Variants in TNNC2 observed in about 807,000 individuals in gnomAD.
TNNC2 encodes the protein troponin C2, fast skeletal type, also known as troponin C, skeletal muscle.
A neutral mutation model predicts 20.0 loss-of-function variants in TNNC2; 14 were observed. The ratio of observed to expected loss-of-function variants is 0.70; its 90% CI spans 0.46 to 1.09. TNNC2 has a LOEUF of 1.09. Among genes scored for constraint, TNNC2 ranks in the 50% least tolerant of loss-of-function variants. The probability of loss-of-function intolerance (pLI) is 0.00; values close to 1 mark genes in which losing one functional copy is unlikely to be tolerated. For missense variants in TNNC2, 163 were observed against 223.8 expected (o/e 0.73, Z 1.73); for synonymous variants, 81 against 77.3 (o/e 1.05, Z -0.25).
At chr20:45,827,763 T>C (rs1310423411), upstream of TNNC2, among the ~76,000 whole-genome samples, 1 of 152,206 alleles carries the variant, frequency 6.6e-6, no homozygotes, top group African/African-American at 2.4e-5. Flanking sequence ...GGATTGGACC[T>C]GTCTGTGGGG....
upstream of TNNC2, among the ~76,000 whole-genome samples, chr20:45,831,919 G>T (rs1207804487): frequency 6.6e-6 from 1 of 152,222 alleles, no homozygotes; most frequent in Non-Finnish European, 1.5e-5. Flanking sequence ...TTAACCAATG[G>T]TTGGTGAATG....
Position 45,824,051 on chromosome 20 carries a change from C to T in TNNC2, c.391G>A (p.Glu131Lys). 6.2e-7 allele frequency: 1 copy of T among 1,614,158 alleles called. No individual in the cohort carries two copies. The highest frequency in any genetic ancestry group is 2.2e-5 in the East Asian group (1 of 44,876). The change falls in exon 5 of 6, where the codon GAG becomes AAG. Residue 131 changes from glutamate (E) to lysine (K), a missense_variant. Transcript: ENST00000372555. ...RASGEHVTDEEIESLMKDGDK... is the reference protein window; with the variant it reads ...RASGEHVTDEKIESLMKDGDK... ...CCGTCTTTCATCAGAGATTCGATCT[C>T]CTCGTCCGTCACGTGCTCCCCGGAG...
At chr20:45,832,007 C>A (rs558008431), upstream of TNNC2, among the ~76,000 whole-genome samples, 2 of 152,202 alleles carry the variant, frequency 1.3e-5, no homozygotes, top group East Asian at 1.9e-4. Flanking sequence ...AAGAGTAATT[C>A]GAGGTTTGAA....
upstream of TNNC2, among the ~76,000 whole-genome samples, chr20:45,831,646 G>T (rs2145730110): frequency 6.6e-6 from 1 of 152,086 alleles, no homozygotes; most frequent in East Asian, 1.9e-4. Flanking sequence ...AAAGGAAGAA[G>T]AAGCAGGAGG....
rs778920626 is a variant in TNNC2, at chr20:45,823,995, G to T, written c.447C>A (p.Phe149Leu). ...CAAGCTCCCGTTGGCCCTCACCGTC[G>T]AAGTCAATGCGGCCGTCGTTGTTCT... is the stretch of plus-strand genomic sequence containing the variant. ...GDKNNDGRID[F>L]DEFLKMMEGV... The change falls in exon 5 of 6, where the codon TTC becomes TTA. Residue 149 changes from phenylalanine (F) to leucine (L), a missense_variant. Transcript: ENST00000372555. This position sits in a 1 kb window ranked among gnomAD's most constrained non-coding sequence, Gnocchi z 4.6. 11 of 1,614,008 alleles carry T rather than the reference G, an allele frequency of 6.8e-6. No homozygotes were observed. Among genetic ancestry groups the T allele is most frequent in the South Asian group, 1.1e-5 (1 of 91,082 alleles).
intron 1 of TNNC2, 65 bp from the exon 2 acceptor site, chr20:45,824,899 G>A: frequency 6.3e-7 from 1 of 1,581,630 alleles, no homozygotes; most frequent in Non-Finnish European, 8.7e-7. Context: ...TCACCTCAAA[G>A]CCATTCTTCC....
upstream of TNNC2, among the ~76,000 whole-genome samples, chr20:45,829,393 A>G (rs1422555712): frequency 6.6e-6 from 1 of 151,250 alleles, no homozygotes; most frequent in East Asian, 2.0e-4. Context: ...CAAACTCCCA[A>G]CCTCAGGTGA....
upstream of TNNC2, among the ~76,000 whole-genome samples, chr20:45,828,700 C>T (rs1983034560): frequency 6.6e-6 from 1 of 152,094 alleles, no homozygotes; most frequent in Admixed American, 6.6e-5. Context: ...GCAGGCTGGG[C>T]ACTGGGGAGT....
In TNNC2 at chr20:45,823,418, G is replaced by T; in HGVS notation, c.452-39C>A. The T allele has an allele frequency of 6.3e-7, 1 of 1,576,426 alleles. No individual in the cohort carries two copies. The highest frequency in any genetic ancestry group is 2.3e-5 in the East Asian group (1 of 43,646). The stretch of plus-strand genomic sequence containing the variant: ...GAGGGAGAGGGTCAGGGGTCCCACT[G>T]GGGACGCAGAGGCCAGGCCAGGGCT... On this transcript the variant is annotated intron_variant, in intron 5 of 5. Coordinates refer to ENST00000372555, the MANE Select transcript of TNNC2 (RefSeq NM_003279.3). The surrounding 1 kb of genome is among the most constrained non-coding windows in gnomAD (Gnocchi z 4.6).
chr20:45,824,858 T>A, intron 1 of TNNC2, 24 bp from the exon 2 acceptor site: 1 of 1,614,074 alleles, frequency 6.2e-7, no homozygotes, highest in Non-Finnish European at 8.5e-7. Context: ...AGAGAAAGTC[T>A]GAGCTGAAGA....
intron 3 of TNNC2, 36 bp downstream of exon 3, chr20:45,824,459 C>T (rs1276499992): frequency 6.2e-7 from 1 of 1,612,318 alleles, no homozygotes; most frequent in Non-Finnish European, 8.5e-7. Flanking sequence ...GCCGCCTCTC[C>T]CCACCATCCC....
upstream of TNNC2, among the ~76,000 whole-genome samples, chr20:45,830,103 G>C (rs560310385): frequency 6.6e-6 from 1 of 151,774 alleles, no homozygotes; most frequent in East Asian, 2.0e-4. Flanking sequence ...GGGAGGTGCA[G>C]GCTGGCAGAT....
rs4812965 is a variant in TNNC2 at position 45,823,536 on chromosome 20, C to G, written c.452-157G>C. Among the ~76,000 whole-genome samples, 9,090 of 152,182 alleles carry G rather than the reference C, an allele frequency of 0.06. 677 individuals are homozygous for G. The highest frequency in any genetic ancestry group is 0.17 in the African/African-American group (7,095 of 41,498). ...AGGTCGCCAAGGTCTGTCACCCAGG[C>G]TAGAGTGCAGTGGCACAATCATAAC... On this transcript the variant is annotated intron_variant, in intron 5 of 5. Transcript: ENST00000372555. This position sits in a 1 kb window ranked among gnomAD's most constrained non-coding sequence, Gnocchi z 4.6.
chr20:45,826,902 C>T (rs1239234477), intron 1 of TNNC2, among the ~76,000 whole-genome samples: 31 of 152,240 alleles, frequency 2.0e-4, no homozygotes, highest in Admixed American at 2.0e-3. Flanking sequence ...TTCTGGCTCA[C>T]CCCTGCCACT....
Position 45,823,289 on chromosome 20 carries a change from G to T in TNNC2, c.*59C>A. Reference sequence around the variant, plus strand: ...GCGCCTCCCTGGTGGGGACCCGGCAGGGCGGAGTCTCCCACACCCTAGGGA... The same window carrying T: ...GCGCCTCCCTGGTGGGGACCCGGCATGGCGGAGTCTCCCACACCCTAGGGA... On this transcript the variant is annotated 3_prime_UTR_variant, in exon 6 of 6. Coordinates refer to ENST00000372555, the MANE Select transcript of TNNC2 (RefSeq NM_003279.3). This position sits in a 1 kb window ranked among gnomAD's most constrained non-coding sequence, Gnocchi z 4.6. 2 of 1,490,584 alleles carry T rather than the reference G, an allele frequency of 1.3e-6. No individual in the cohort carries two copies. Among genetic ancestry groups the T allele is most frequent in the South Asian group, 1.3e-5 (1 of 78,068 alleles). 92.3% of individuals were successfully genotyped at this position (1,490,584 alleles called of 1,614,324 possible).
chr20:45,824,059 G>A lies in TNNC2; in HGVS notation c.383C>T (p.Thr128Met), dbSNP rs373881224. 2.2e-5 allele frequency: 35 copies of A among 1,613,938 alleles called. No individual in the cohort carries two copies. Among genetic ancestry groups the A allele is most frequent in the Non-Finnish European group, 2.5e-5 (30 of 1,179,986 alleles). Residue 128 changes from threonine (T) to methionine (M), a missense_variant, in exon 5 of 6, where the codon ACG becomes ATG. Thr to Met is a moderately conservative substitution (Grantham distance 81). Transcript: ENST00000372555. Reference protein sequence around the residue: ...EIFRASGEHVTDEEIESLMKD... With the variant: ...EIFRASGEHVMDEEIESLMKD... ...CATCAGAGATTCGATCTCCTCGTCC[G>A]TCACGTGCTCCCCGGAGGCCCTGAA...
At position 45,824,016 on chromosome 20, in the gene TNNC2, G is replaced by T; in HGVS notation, c.426C>A (p.Asn142Lys). Residue 142 changes from asparagine to lysine, a missense_variant, in exon 5 of 6, where the codon AAC (asparagine) becomes AAA (lysine). Physicochemically the swap from Asn to Lys is moderately conservative, Grantham distance 94. Coordinates refer to ENST00000372555, the MANE Select transcript of TNNC2 (RefSeq NM_003279.3). ...IESLMKDGDK[N>K]NDGRIDFDEF... is the part of the protein sequence containing the mutation. The stretch of plus-strand genomic sequence containing the variant: ...CGTCGAAGTCAATGCGGCCGTCGTT[G>T]TTCTTGTCGCCGTCTTTCATCAGAG... 12 of 1,614,108 alleles carry T rather than the reference G, an allele frequency of 7.4e-6. No individual in the cohort carries two copies. Among genetic ancestry groups the T allele is most frequent in the Non-Finnish European group, 1.0e-5 (12 of 1,180,010 alleles).
chr20:45,823,457 G>A lies in TNNC2; in HGVS notation c.452-78C>T, dbSNP rs1982863094. On this transcript the variant is annotated intron_variant, in intron 5 of 5. Coordinates refer to ENST00000372555, the MANE Select transcript of TNNC2 (RefSeq NM_003279.3). The surrounding 1 kb of genome is among the most constrained non-coding windows in gnomAD (Gnocchi z 4.6). ...CAGGCCAGGGCTCCAGCCACACAGAGGGGATGACTTTTTGTTTTTGTTTTT... is the reference window on the plus strand; with the variant it reads ...CAGGCCAGGGCTCCAGCCACACAGAAGGGATGACTTTTTGTTTTTGTTTTT... The A allele has an allele frequency of 7.1e-7, 1 of 1,410,654 alleles. No individual in the cohort carries two copies. Among genetic ancestry groups the A allele is most frequent in the Admixed American group, 2.4e-5 (1 of 42,188 alleles). The allele number at this position is 1,410,654 out of a possible 1,614,324, so 87.4% of individuals were successfully genotyped here. A position where few individuals can be genotyped will look rare whatever the true frequency, so the allele number is the denominator to read the frequency against.
At chr20:45,833,152 AAGAAAGAAAGAAAGAGAGAGAG>A (rs765185051) in intron 2 of TNNC2, 19,418 of 141,040 alleles carry the variant, frequency 0.14, 1,603 homozygotes, top group South Asian at 0.23. Flanking sequence ...TCAAAAGAGA[AAGAAAGAAAGAAAGAGAGAGAG>A]AGAAAGAAAG....
Sources: gnomAD v4.1 joint callset for allele counts (sites outside exome capture counted in the v4.1 genomes callset) on GRCh38, gnomAD v4.1.1 for gene constraint, Gnocchi (gnomAD v3.1) non-coding constraint, MANE v1.5 for transcripts, NCBI Gene and HGNC (gene_info 2026-07-23, HGNC 2026-07-21) for gene names.